PATZ1: variants seen among roughly 807,000 people sequenced by gnomAD.
PATZ1 encodes POZ-, AT hook-, and zinc finger-containing protein 1.
Under a neutral mutation model 46.2 loss-of-function variants are expected in PATZ1, and 9 were observed. The ratio of observed to expected loss-of-function variants is 0.19; its 90% confidence interval spans 0.12 to 0.34. PATZ1 has a LOEUF of 0.34. PATZ1 is among the 10% of genes least tolerant of loss of function. PATZ1 has a pLI of 1.00. For synonymous variants in PATZ1, 426 were observed against 378.6 expected (o/e 1.13, Z -1.45); for missense variants, 632 against 923.0 (o/e 0.68, Z 4.08).
rs1347631809 is a variant in PATZ1, at chr22:31,346,142, AGGCGGCGGCGGCGGGGCGCGCAC to A, written c.-563_-541del. On this transcript the variant is annotated 5_prime_UTR_variant, in exon 1 of 5. Coordinates refer to ENST00000266269, the MANE Select transcript of PATZ1 (RefSeq NM_014323.3). ...CGGAGGAAACAAAAGGCGAAGGCGA[AGGCGGCGGCGGCGGGGCGCGCAC>A]GGGGGCGGTGGCGCGGGCCGGGTCC... 1.4e-5 allele frequency: 2 copies of A among 147,796 alleles called. No individual in the cohort carries two copies. Among genetic ancestry groups the A allele is most frequent in the Non-Finnish European group, 3.0e-5 (2 of 66,242 alleles). The allele number at this position is 147,796 out of a possible 1,614,324, so 9.2% of individuals were successfully genotyped here.
intron 2 of PATZ1, chr22:31,341,072 G>C (rs1386852791): frequency 1.8e-6 from 2 of 1,096,804 alleles, no homozygotes; most frequent in South Asian, 4.3e-5. Flanking sequence ...GCCAGGGGAA[G>C]GGAAGCAGAT....
chr22:31,325,998 C>A lies in PATZ1; in HGVS notation c.*893G>T, dbSNP rs2049367338. 1.4e-5 allele frequency: 3 copies of A among 211,854 alleles called. No homozygotes were observed. The highest frequency in any genetic ancestry group is 1.9e-5 in the Non-Finnish European group (2 of 104,358). 13.1% of individuals were successfully genotyped at this position (211,854 alleles called of 1,614,324 possible). A position where few individuals can be genotyped will look rare whatever the true frequency, so the allele number is the denominator to read the frequency against. ...CAGACTGGCATTTTTTAAAATTTTG[C>A]ATAAAACTATTTCTTCCATAGACTT... is the stretch of plus-strand genomic sequence containing the variant. On this transcript the variant is annotated 3_prime_UTR_variant, in exon 5 of 5. Transcript: ENST00000266269.
chr22:31,327,174 T>C lies in PATZ1; in HGVS notation c.1781A>G (p.Lys594Arg). 2 of 1,614,182 alleles carry C rather than the reference T, an allele frequency of 1.2e-6. No individual in the cohort carries two copies. The change falls in exon 5 of 5, where the codon AAA becomes AGA. Residue 594 changes from lysine (K) to arginine (R), a missense_variant. Physicochemically the swap from Lys to Arg is conservative, Grantham distance 26 (BLOSUM62 2). Transcript: ENST00000266269. This position sits in a 1 kb window ranked among gnomAD's most constrained non-coding sequence, Gnocchi z 4.2. ...GSFSCDMAVP[K>R]NKMESDGEKK... ...CTCCCCATCAGACTCCATTTTGTTTTTGGGGACTGCCATGTCGCAGGAGAA... is the reference window on the plus strand; with the variant it reads ...CTCCCCATCAGACTCCATTTTGTTTCTGGGGACTGCCATGTCGCAGGAGAA...
chr22:31,341,027 C>A, intron 2 of PATZ1: 1 of 1,079,602 alleles, frequency 9.3e-7, no homozygotes, highest in Non-Finnish European at 1.1e-6. Context: ...GTGGCCAGGC[C>A]CCAGTCTAGA....
Position 31,345,648 on chromosome 22 carries a change from C to G in PATZ1, c.-46G>C. ...AGCCCGGCCGCTGCACCTGCCCGCCCCCTCCCTTCCCCTCAGCAGCGAGAA... is the reference window on the plus strand; with the variant it reads ...AGCCCGGCCGCTGCACCTGCCCGCCGCCTCCCTTCCCCTCAGCAGCGAGAA... On this transcript the variant is annotated 5_prime_UTR_variant, in exon 1 of 5. Coordinates refer to ENST00000266269, the MANE Select transcript of PATZ1 (RefSeq NM_014323.3). The surrounding 1 kb of genome is among the most constrained non-coding windows in gnomAD (Gnocchi z 7.4). The G allele has an allele frequency of 6.6e-7, 1 of 1,509,956 alleles. No individual in the cohort carries two copies. Among genetic ancestry groups the G allele is most frequent in the Non-Finnish European group, 8.9e-7 (1 of 1,120,704 alleles). The allele number at this position is 1,509,956 out of a possible 1,614,324, so 93.5% of individuals were successfully genotyped here. A position where few individuals can be genotyped will look rare whatever the true frequency, so the allele number is the denominator to read the frequency against.
In PATZ1 at chr22:31,328,606, A is replaced by G. The variant is rs1378770108; in HGVS notation, c.1645+181T>C. On this transcript the variant is annotated intron_variant, in intron 4 of 4. Coordinates refer to ENST00000266269, the MANE Select transcript of PATZ1 (RefSeq NM_014323.3). This position sits in a 1 kb window ranked among gnomAD's most constrained non-coding sequence, Gnocchi z 4.8. ...TCGGCAGTGCCCTAAAGCCTCACTC[A>G]CTGCCCTGGAGTGAGATACCCACTG... is the stretch of plus-strand genomic sequence containing the variant. 1.3e-5 allele frequency among the ~76,000 whole-genome samples: 2 copies of G among 152,128 alleles called. No individual in the cohort carries two copies. The highest frequency in any genetic ancestry group is 4.8e-5 in the African/African-American group (2 of 41,420).
intron 2 of PATZ1, chr22:31,341,530 G>A: frequency 6.2e-7 from 1 of 1,614,088 alleles, no homozygotes; most frequent in South Asian, 1.1e-5. Context: ...AGGTTTTCAA[G>A]GGCTGGGAAT....
intron 1 of PATZ1, chr22:31,343,239 T>C (rs1381130106): frequency 1.4e-5 from 17 of 1,197,220 alleles, no homozygotes; most frequent in Non-Finnish European, 1.8e-5. Context: ...AAACTCAGTG[T>C]TTTCTAGGAC....
intron 1 of PATZ1, 71 bp from the exon 2 acceptor site, chr22:31,343,031 C>T (rs1204969408): frequency 6.2e-6 from 10 of 1,605,834 alleles, no homozygotes; most frequent in Middle Eastern, 1.7e-4. Context: ...CATATGCATA[C>T]GTGTGTACAC....
rs5749255 is a variant in PATZ1 at position 31,326,207 on chromosome 22, C to T, written c.*684G>A. ...TAATAATTAGAGAATTAAAACCCAA[C>T]AGCATGTTGAATGGTTAAAATCACG... On this transcript the variant is annotated 3_prime_UTR_variant, in exon 5 of 5. Transcript: ENST00000266269. 0.054 allele frequency: 12,178 copies of T among 225,840 alleles called. 1,620 individuals carry two copies. Among genetic ancestry groups the T allele is most frequent in the East Asian group, 0.42 (6,479 of 15,592 alleles). 14.0% of individuals were successfully genotyped at this position (225,840 alleles called of 1,614,324 possible).
In PATZ1 at chr22:31,328,714, C is replaced by A; in HGVS notation, c.1645+73G>T. On this transcript the variant is annotated intron_variant, in intron 4 of 4. Coordinates refer to ENST00000266269, the MANE Select transcript of PATZ1 (RefSeq NM_014323.3). This position sits in a 1 kb window ranked among gnomAD's most constrained non-coding sequence, Gnocchi z 4.8. Reference sequence around the variant, plus strand: ...AGAAAGCCGGCAGCCTTCCCGCCTCCCCACGCCCAGCCCAGCGCCCCCACA... The same window carrying A: ...AGAAAGCCGGCAGCCTTCCCGCCTCACCACGCCCAGCCCAGCGCCCCCACA... 6.9e-7 allele frequency: 1 copy of A among 1,454,170 alleles called. No individual in the cohort carries two copies. Among genetic ancestry groups the A allele is most frequent in the Admixed American group, 1.7e-5 (1 of 59,506 alleles). 90.1% of individuals were successfully genotyped at this position (1,454,170 alleles called of 1,614,324 possible).
intron 3 of PATZ1, among the ~76,000 whole-genome samples, chr22:31,335,136 G>A (rs1217282020): frequency 6.6e-6 from 1 of 152,172 alleles, no homozygotes; most frequent in Non-Finnish European, 1.5e-5. Flanking sequence ...ATGCTGCCCT[G>A]CTCAGAGCAC....
At position 31,328,716 on chromosome 22, in the gene PATZ1, C is replaced by G; in HGVS notation, c.1645+71G>C. On this transcript the variant is annotated intron_variant, in intron 4 of 4. Coordinates refer to ENST00000266269, the MANE Select transcript of PATZ1 (RefSeq NM_014323.3). This position sits in a 1 kb window ranked among gnomAD's most constrained non-coding sequence, Gnocchi z 4.8. Reference sequence around the variant, plus strand: ...AAAGCCGGCAGCCTTCCCGCCTCCCCACGCCCAGCCCAGCGCCCCCACAAC... The same window carrying G: ...AAAGCCGGCAGCCTTCCCGCCTCCCGACGCCCAGCCCAGCGCCCCCACAAC... 2.0e-6 allele frequency: 3 copies of G among 1,469,884 alleles called. No individual in the cohort carries two copies. Among genetic ancestry groups the G allele is most frequent in the Non-Finnish European group, 2.9e-6 (3 of 1,052,530 alleles). The allele number at this position is 1,469,884 out of a possible 1,614,324, so 91.1% of individuals were successfully genotyped here.
At chr22:31,341,178 G>A (rs2049575543) in intron 2 of PATZ1, 5 of 1,238,818 alleles carry the variant, frequency 4.0e-6, no homozygotes, top group Non-Finnish European at 5.0e-6. Context: ...GGGGGAAAAG[G>A]CAAGAGAGCC....
Position 31,334,009 on chromosome 22 carries a change from C to T in PATZ1, c.1507+1683G>A, listed in dbSNP as rs577072453. ...GGCTTTCTGAGTTTTATCATGAGCA[C>T]CCTTCTCCACTCAGCAGTTTTCAAC... On this transcript the variant is annotated intron_variant, in intron 3 of 4. Coordinates refer to ENST00000266269, the MANE Select transcript of PATZ1 (RefSeq NM_014323.3). Among the ~76,000 whole-genome samples the T allele has an allele frequency of 4.9e-4, 74 of 152,302 alleles. 3 individuals are homozygous for T. In the South Asian group the frequency reaches 0.015, roughly 31 times the overall value.
chr22:31,342,192 T>C (rs756514039), intron 2 of PATZ1, among the ~76,000 whole-genome samples: 1 of 152,026 alleles, frequency 6.6e-6, no homozygotes, highest in Non-Finnish European at 1.5e-5. Flanking sequence ...ACTCAATCTT[T>C]TGGGTACCAG....
At chr22:31,339,215 C>T (rs1601493142) in intron 2 of PATZ1, among the ~76,000 whole-genome samples, 1 of 152,194 alleles carries the variant, frequency 6.6e-6, no homozygotes. Context: ...TTGATTATCT[C>T]TCAAGGAATG....
intron 1 of PATZ1, chr22:31,343,306 G>A (rs2049606682): frequency 1.9e-6 from 2 of 1,043,580 alleles, no homozygotes; most frequent in Non-Finnish European, 1.2e-6. Flanking sequence ...TTTCCAGGAG[G>A]GGATATGTGA....
intron 2 of PATZ1, among the ~76,000 whole-genome samples, chr22:31,339,941 A>G (rs543642247): frequency 1.3e-5 from 2 of 152,224 alleles, no homozygotes; most frequent in Non-Finnish European, 2.9e-5. Flanking sequence ...ACAGCCCTGG[A>G]AAACTCTAAG....
Sources: allele counts gnomAD v4.1 joint callset (sites outside exome capture counted in the v4.1 genomes callset), GRCh38; gene constraint gnomAD v4.1.1; non-coding constraint Gnocchi (gnomAD v3.1); transcripts MANE v1.5; gene names NCBI Gene and HGNC (gene_info 2026-07-23, HGNC 2026-07-21).